TMEM63C: variants seen among roughly 807,000 people sequenced by gnomAD.
TMEM63C encodes the protein osmosensitive cation channel TMEM63C.
In TMEM63C, 32 loss-of-function variants were observed where a neutral mutation model predicts 99.2. The observed-to-expected ratio is 0.32, with a 90% CI of 0.24 to 0.43. TMEM63C has a LOEUF of 0.43. TMEM63C is among the 20% of genes least tolerant of loss of function. TMEM63C has a pLI of 1.00. For synonymous variants in TMEM63C, 376 were observed against 397.9 expected (o/e 0.94, Z 0.66); for missense variants, 826 against 1,053.0 (o/e 0.78, Z 2.98).
chr14:77,225,603 G>A lies in TMEM63C; in HGVS notation c.350+142G>A, dbSNP rs576717414. On this transcript the variant is annotated intron_variant, in intron 6 of 23. Transcript: ENST00000298351. The stretch of plus-strand genomic sequence containing the variant: ...TCCCCGCCACCTCGGCCCATTACCA[G>A]TGAAGGATGCTTTCCTGGGGTACAG... The A allele has an allele frequency of 1.8e-5, 14 of 779,776 alleles. No homozygotes were observed. In the African/African-American group the frequency reaches 2.3e-4, roughly 13 times the overall value. The allele number at this position is 779,776 out of a possible 1,614,324, so 48.3% of individuals were successfully genotyped here. A position where few individuals can be genotyped will look rare whatever the true frequency, so the allele number is the denominator to read the frequency against.
chr14:77,241,838 G>A (rs765320256), intron 13 of TMEM63C, among the ~76,000 whole-genome samples: 6 of 152,184 alleles, frequency 3.9e-5, no homozygotes, highest in Non-Finnish European at 8.8e-5. Context: ...CAGAATATGA[G>A]CTAGCAAGCC....
chr14:77,225,381 C>T (rs767237433), intron 5 of TMEM63C, 43 bp from the exon 6 acceptor site: 1 of 1,607,720 alleles, frequency 6.2e-7, no homozygotes, highest in Non-Finnish European at 8.5e-7. Flanking sequence ...GCAGGGCAGG[C>T]CAGGACCTGG....
chr14:77,187,666 G>A (rs769976955), intron 1 of TMEM63C, among the ~76,000 whole-genome samples: 5 of 152,238 alleles, frequency 3.3e-5, no homozygotes, highest in Non-Finnish European at 5.9e-5. Flanking sequence ...GCACCCTCCT[G>A]TGTGGCTGGG....
intron 20 of TMEM63C, 112 bp from the exon 21 acceptor site, chr14:77,249,179 G>A: frequency 8.5e-7 from 1 of 1,180,868 alleles, no homozygotes; most frequent in Non-Finnish European, 1.2e-6. Context: ...ATCCTTGGTT[G>A]TTGTGACTCT....
At chr14:77,185,145 C>T (rs987264448) in intron 1 of TMEM63C, among the ~76,000 whole-genome samples, 4 of 152,158 alleles carry the variant, frequency 2.6e-5, no homozygotes, top group African/African-American at 7.2e-5. Flanking sequence ...GACTAGGACC[C>T]AAGTGTCCTG....
intron 1 of TMEM63C, among the ~76,000 whole-genome samples, chr14:77,197,648 C>T (rs1888234608): frequency 6.6e-6 from 1 of 152,256 alleles, no homozygotes; most frequent in Admixed American, 6.5e-5. Flanking sequence ...CTCTCCCAGC[C>T]ATAGTCTGCT....
At chr14:77,226,241 A>C (rs1594860464) in intron 6 of TMEM63C, among the ~76,000 whole-genome samples, 4 of 150,666 alleles carry the variant, frequency 2.7e-5, no homozygotes, top group Admixed American at 1.3e-4. Flanking sequence ...AAACCCCTCC[A>C]CCCCACCCCT....
chr14:77,234,517 G>A (rs1444487464), intron 8 of TMEM63C, among the ~76,000 whole-genome samples: 1 of 152,196 alleles, frequency 6.6e-6, no homozygotes, highest in Admixed American at 6.5e-5. Flanking sequence ...ATCTATCCTG[G>A]CAGAGAGCTG....
intron 14 of TMEM63C, among the ~76,000 whole-genome samples, 154 bp from the exon 15 acceptor site, chr14:77,242,749 G>A (rs1199865296): frequency 6.6e-6 from 1 of 152,114 alleles, no homozygotes; most frequent in Non-Finnish European, 1.5e-5. Flanking sequence ...GGTGTGACAG[G>A]GGACGGTCCA....
intron 1 of TMEM63C, among the ~76,000 whole-genome samples, chr14:77,194,334 A>ATGTGTGTG (rs756163017): frequency 9.2e-4 from 66 of 72,040 alleles, no homozygotes; most frequent in South Asian, 8.7e-3. Context: ...AGATATATAT[A>ATGTGTGTG]TATGTGTGTG....
Position 77,219,591 on chromosome 14 carries a change from G to T in TMEM63C, c.230+14G>T. On this transcript the variant is annotated intron_variant, in intron 4 of 23. Coordinates refer to ENST00000298351, the MANE Select transcript of TMEM63C (RefSeq NM_020431.4). ...ACACAATGACAGGTGAGGAGGGGTC[G>T]AGATGGGTGAGCCGTTGCCCCCTTG... 1 of 1,613,582 alleles carries T rather than the reference G, an allele frequency of 6.2e-7. No individual in the cohort carries two copies. Among genetic ancestry groups the T allele is most frequent in the South Asian group, 1.1e-5 (1 of 91,062 alleles).
intron 6 of TMEM63C, among the ~76,000 whole-genome samples, chr14:77,226,133 C>T (rs547852428): frequency 3.9e-5 from 6 of 152,230 alleles, no homozygotes; most frequent in East Asian, 3.9e-4. Flanking sequence ...CGCACACACA[C>T]GTACACGTGT....
chr14:77,249,176 G>T, intron 20 of TMEM63C, 115 bp from the exon 21 acceptor site: 1 of 1,151,508 alleles, frequency 8.7e-7, no homozygotes, highest in East Asian at 2.4e-5. Flanking sequence ...CCCATCCTTG[G>T]TTGTTGTGAC....
intron 1 of TMEM63C, among the ~76,000 whole-genome samples, chr14:77,199,946 G>A (rs771790854): frequency 2.6e-5 from 4 of 152,182 alleles, no homozygotes; most frequent in Non-Finnish European, 5.9e-5. Context: ...GGTGAAGGAC[G>A]AGGAGAGAGA....
chr14:77,238,272 G>C (rs1358507602), intron 9 of TMEM63C, among the ~76,000 whole-genome samples: 2 of 152,222 alleles, frequency 1.3e-5, no homozygotes, highest in Non-Finnish European at 2.9e-5. Flanking sequence ...CTTTACGCTG[G>C]AACAGTGGAA....
chr14:77,202,499 C>A (rs1888315435), intron 1 of TMEM63C, among the ~76,000 whole-genome samples: 1 of 152,202 alleles, frequency 6.6e-6, no homozygotes, highest in Non-Finnish European at 1.5e-5. Flanking sequence ...GCTCCCTCTG[C>A]AGGACCTAGG....
intron 21 of TMEM63C, 97 bp from the exon 22 acceptor site, chr14:77,251,692 C>T: frequency 2.1e-6 from 2 of 936,844 alleles, no homozygotes; most frequent in Non-Finnish European, 1.7e-6. Flanking sequence ...AGGTCAAAGC[C>T]CTTGCAGTGG....
chr14:77,237,339 G>A (rs1219189486), intron 9 of TMEM63C, among the ~76,000 whole-genome samples: 3 of 152,080 alleles, frequency 2.0e-5, no homozygotes, highest in Non-Finnish European at 4.4e-5. Context: ...AGACCCCCGT[G>A]TATCCCCACC....
chr14:77,216,191 A>G (rs774751529), intron 2 of TMEM63C, among the ~76,000 whole-genome samples: 2 of 152,032 alleles, frequency 1.3e-5, no homozygotes, highest in Non-Finnish European at 2.9e-5. Flanking sequence ...GACCACATCA[A>G]CACTGGTTCC....
Sources: gnomAD v4.1 joint callset for allele counts (sites outside exome capture counted in the v4.1 genomes callset) on GRCh38, gnomAD v4.1.1 for gene constraint, MANE v1.5 for transcripts, NCBI Gene and HGNC (gene_info 2026-07-23, HGNC 2026-07-21) for gene names.